Variants in CDH4 observed in about 807,000 individuals in gnomAD.
The protein encoded by CDH4 is cadherin-4.
A neutral mutation model predicts 86.0 loss-of-function variants in CDH4; 33 were observed. The ratio of observed to expected loss-of-function variants is 0.38; its 90% CI spans 0.29 to 0.51. The LOEUF is 0.51. CDH4 is among the 20% of genes least tolerant of loss of function. The pLI is 0.86. For missense variants in CDH4, 1,114 were observed against 1,307.4 expected, an observed-to-expected ratio of 0.85 and a Z score of 2.28; for synonymous variants, 555 against 549.4, an observed-to-expected ratio of 1.01 and a Z score of -0.14.
intron 4 of CDH4, among the ~76,000 whole-genome samples, chr20:61,825,926 C>T (rs1015139439): frequency 3.3e-5 from 5 of 152,172 alleles, no homozygotes; most frequent in African/African-American, 7.2e-5. Context: ...ATCTCACATC[C>T]GATTTGTCTC....
intron 2 of CDH4, among the ~76,000 whole-genome samples, chr20:61,504,591 G>A (rs556628356): frequency 4.6e-5 from 7 of 152,300 alleles, no homozygotes; most frequent in South Asian, 2.1e-4. Context: ...TCCTCCAGGC[G>A]CAGACACGTG....
At chr20:61,891,965 A>G (rs1169022673) in intron 7 of CDH4, among the ~76,000 whole-genome samples, 1 of 152,150 alleles carries the variant, frequency 6.6e-6, no homozygotes, top group African/African-American at 2.4e-5. Flanking sequence ...AGGTCAGCAA[A>G]CGTCTTCTAT....
At chr20:61,527,118 G>A (rs2085916691) in intron 2 of CDH4, among the ~76,000 whole-genome samples, 1 of 152,260 alleles carries the variant, frequency 6.6e-6, no homozygotes, top group Admixed American at 6.5e-5. Context: ...TACAGAGAAA[G>A]TGAACAGATT....
At chr20:61,533,634 C>CT (rs1187716019) in intron 2 of CDH4, among the ~76,000 whole-genome samples, 1 of 152,240 alleles carries the variant, frequency 6.6e-6, no homozygotes, top group African/African-American at 2.4e-5. Flanking sequence ...ATTAGAGCTA[C>CT]TTCGGGTACA....
chr20:61,793,138 AT>A (rs1486626983), intron 4 of CDH4, among the ~76,000 whole-genome samples: 2 of 151,106 alleles, frequency 1.3e-5, no homozygotes, highest in Non-Finnish European at 2.9e-5. Flanking sequence ...AATTTTTTGT[AT>A]TTTTTAGTAG....
chr20:61,274,308 TATGTGCAGTTTGGGGGAGTACC>T (rs2084211550), intron 2 of CDH4, among the ~76,000 whole-genome samples: 1 of 88,896 alleles, frequency 1.1e-5, no homozygotes, highest in Non-Finnish European at 2.1e-5. Context: ...GGGGGAGTAC[TATGTGCAGTTTGGGGGAGTACC>T]ATGGGCAGTT....
rs560135880 is a variant in CDH4 at position 61,879,716 on chromosome 20, C to T, written c.1050+5816C>T. 1.6e-3 allele frequency among the ~76,000 whole-genome samples: 251 copies of T among 152,262 alleles called. No homozygotes were observed. Among genetic ancestry groups the T allele is most frequent in the Non-Finnish European group, 2.6e-3 (179 of 68,026 alleles). On this transcript the variant is annotated intron_variant, in intron 7 of 15. Coordinates refer to ENST00000614565, the MANE Select transcript of CDH4 (RefSeq NM_001794.5). The surrounding 1 kb of genome is among the most constrained non-coding windows in gnomAD (Gnocchi z 4.1). ...GCCTAATGAGGAGGTGAACGTGCCG[C>T]CCGAGCCCCGTCCTGAAGGTGAGAG...
rs184022433 is a variant in CDH4 at position 61,584,976 on chromosome 20, C to T, written c.170-158587C>T. The stretch of plus-strand genomic sequence containing the variant: ...CTGGAAAGCCATCGCCGATGTGAGG[C>T]CCCTCCTTCCACCGCCCCTGCAGGC... On this transcript the variant is annotated intron_variant, in intron 2 of 15. Coordinates refer to ENST00000614565, the MANE Select transcript of CDH4 (RefSeq NM_001794.5). Among the ~76,000 whole-genome samples the T allele has an allele frequency of 2.7e-3, 406 of 152,326 alleles. 3 individuals are homozygous for T. The highest frequency in any genetic ancestry group is 9.0e-3 in the African/African-American group (376 of 41,580).
intron 2 of CDH4, among the ~76,000 whole-genome samples, chr20:61,589,715 T>C (rs778398650): frequency 6.6e-6 from 1 of 151,808 alleles, no homozygotes; most frequent in Non-Finnish European, 1.5e-5. Flanking sequence ...CATTAACTCG[T>C]CATTTAGCAT....
At chr20:61,629,202 C>T in intron 2 of CDH4, among the ~76,000 whole-genome samples, 1 of 152,132 alleles carries the variant, frequency 6.6e-6, no homozygotes, top group Non-Finnish European at 1.5e-5. Context: ...TCAGAAATGG[C>T]CACTGGAAGG....
At chr20:61,748,684 T>A (rs1018985443) in intron 3 of CDH4, among the ~76,000 whole-genome samples, 1 of 152,078 alleles carries the variant, frequency 6.6e-6, no homozygotes, top group African/African-American at 2.4e-5. Flanking sequence ...TGAGAAGGGA[T>A]AAATGGAATC....
chr20:61,353,397 C>T (rs912450256), intron 2 of CDH4, among the ~76,000 whole-genome samples: 22 of 152,074 alleles, frequency 1.4e-4, no homozygotes, highest in South Asian at 1.0e-3. Flanking sequence ...CAAGCCTTCG[C>T]GCATTGCATA....
At chr20:61,763,038 C>A (rs1029043971) in intron 3 of CDH4, among the ~76,000 whole-genome samples, 6 of 152,346 alleles carry the variant, frequency 3.9e-5, no homozygotes, top group Admixed American at 3.9e-4. Flanking sequence ...ACTTCAGATG[C>A]TAAGGACATG....
chr20:61,857,277 G>A (rs552012064), intron 6 of CDH4, among the ~76,000 whole-genome samples: 220 of 152,370 alleles, frequency 1.4e-3, no homozygotes, highest in Non-Finnish European at 2.5e-3. Flanking sequence ...GGAAGTGGGC[G>A]TTCCCACCGA....
intron 2 of CDH4, among the ~76,000 whole-genome samples, chr20:61,436,870 A>C (rs943800235): frequency 2.0e-5 from 3 of 152,158 alleles, no homozygotes; most frequent in Non-Finnish European, 4.4e-5. Context: ...AAGACACTCC[A>C]ATCTCTCAGG....
intron 8 of CDH4, among the ~76,000 whole-genome samples, chr20:61,896,601 C>T (rs752480319): frequency 1.2e-4 from 19 of 152,230 alleles, no homozygotes; most frequent in African/African-American, 1.9e-4. Flanking sequence ...AGCATTTAAC[C>T]GGGCGCAGCC....
At chr20:61,554,347 G>A (rs560005830) in intron 2 of CDH4, among the ~76,000 whole-genome samples, 1 of 152,332 alleles carries the variant, frequency 6.6e-6, no homozygotes, top group Admixed American at 6.5e-5. Flanking sequence ...GGCAGTAGAG[G>A]AGGCACAGGC....
chr20:61,707,910 T>G (rs1025710335), intron 2 of CDH4, among the ~76,000 whole-genome samples: 11 of 152,096 alleles, frequency 7.2e-5, no homozygotes, highest in Admixed American at 7.2e-4. Flanking sequence ...ATGTGTCTGG[T>G]GTGTTTGTTT....
Position 61,682,721 on chromosome 20 carries a change from C to T in CDH4, c.170-60842C>T, listed in dbSNP as rs111509192. Among the ~76,000 whole-genome samples, 575 of 152,226 alleles carry T rather than the reference C, an allele frequency of 3.8e-3. 5 individuals carry two copies. The highest frequency in any genetic ancestry group is 0.013 in the African/African-American group (542 of 41,516). On this transcript the variant is annotated intron_variant, in intron 2 of 15. Transcript: ENST00000614565. ...TGCCAGGAATGATTTTACCTCCCCA[C>T]GCCAGGAATGTCTGATGTTTCTGGC... is the stretch of plus-strand genomic sequence containing the variant.
Sources: allele counts gnomAD v4.1 joint callset (sites outside exome capture counted in the v4.1 genomes callset), GRCh38; gene constraint gnomAD v4.1.1; non-coding constraint Gnocchi (gnomAD v3.1); transcripts MANE v1.5; gene names NCBI Gene and HGNC (gene_info 2026-07-23, HGNC 2026-07-21).